Variants in LRFN5 observed in about 807,000 individuals in gnomAD.
LRFN5 encodes the protein leucine rich repeat and fibronectin type III domain containing 5, also known as leucine-rich repeat and fibronectin type-III domain-containing protein 5.
LRFN5 carries 24 observed loss-of-function variants against 45.6 expected under a neutral mutation model. That is an observed-to-expected ratio of 0.53 (90% CI 0.38 to 0.74). LRFN5 has a LOEUF of 0.74. Ranked by LOEUF, LRFN5 falls within the 30% of genes least tolerant of loss-of-function variation. The pLI is 0.00. For missense variants in LRFN5, 776 were observed against 861.5 expected, an observed-to-expected ratio of 0.90 and a Z score of 1.24; for synonymous variants, 340 against 313.8, an observed-to-expected ratio of 1.08 and a Z score of -0.88.
intron 1 of LRFN5, among the ~76,000 whole-genome samples, chr14:41,610,282 T>C (rs1427953571): frequency 6.6e-6 from 1 of 152,128 alleles, no homozygotes; most frequent in Non-Finnish European, 1.5e-5. Context: ...CGACAATGAA[T>C]ATTGAAGAAT....
At chr14:41,888,338 C>G (rs1195543870) in intron 3 of LRFN5, among the ~76,000 whole-genome samples, 1 of 152,098 alleles carries the variant, frequency 6.6e-6, no homozygotes, top group Non-Finnish European at 1.5e-5. Flanking sequence ...AGTGTTCTTT[C>G]CTTCAAGGAA....
chr14:41,624,470 C>G (rs1210092514), intron 1 of LRFN5, among the ~76,000 whole-genome samples: 1 of 151,996 alleles, frequency 6.6e-6, no homozygotes, highest in Non-Finnish European at 1.5e-5. Context: ...GCGAAAGTAG[C>G]ATATAGCAAA....
intron 2 of LRFN5, among the ~76,000 whole-genome samples, chr14:41,831,652 T>A (rs1439481892): frequency 6.6e-6 from 1 of 152,200 alleles, no homozygotes; most frequent in Non-Finnish European, 1.5e-5. Context: ...TAAACAAATA[T>A]TAATATATTA....
chr14:41,816,339 G>C (rs1236618634), intron 2 of LRFN5, among the ~76,000 whole-genome samples: 1 of 151,970 alleles, frequency 6.6e-6, no homozygotes, highest in Non-Finnish European at 1.5e-5. Flanking sequence ...TTAAGAACAA[G>C]AAAAATTAAA....
intron 2 of LRFN5, among the ~76,000 whole-genome samples, chr14:41,799,007 C>CT (rs1235200879): frequency 3.3e-5 from 5 of 151,990 alleles, no homozygotes; most frequent in Non-Finnish European, 5.9e-5. Flanking sequence ...TTGTATTACT[C>CT]TTTTTTTCTG....
chr14:41,678,242 GCATACATA>G (rs547036818), intron 1 of LRFN5, among the ~76,000 whole-genome samples: 4 of 151,174 alleles, frequency 2.6e-5, no homozygotes, highest in Non-Finnish European at 5.9e-5. Context: ...GAAGATACAT[GCATACATA>G]CATACATACA....
At chr14:41,799,289 GT>G (rs1887242124) in intron 2 of LRFN5, among the ~76,000 whole-genome samples, 1 of 151,898 alleles carries the variant, frequency 6.6e-6, no homozygotes, top group Non-Finnish European at 1.5e-5. Flanking sequence ...CATAATTGTT[GT>G]TTTTTAGGAA....
chr14:41,767,941 A>G (rs1383233809), intron 2 of LRFN5, among the ~76,000 whole-genome samples: 1 of 151,932 alleles, frequency 6.6e-6, no homozygotes, highest in Non-Finnish European at 1.5e-5. Context: ...TAAATACTTG[A>G]TGTAAGCATT....
At chr14:41,734,524 C>G (rs546198886) in intron 1 of LRFN5, among the ~76,000 whole-genome samples, 54 of 150,334 alleles carry the variant, frequency 3.6e-4, no homozygotes, top group Non-Finnish European at 2.8e-4. Flanking sequence ...TTTTTCCATT[C>G]TATTGTTTTC....
At chr14:41,748,905 T>C (rs1885022727) in intron 1 of LRFN5, among the ~76,000 whole-genome samples, 1 of 151,472 alleles carries the variant, frequency 6.6e-6, no homozygotes, top group Non-Finnish European at 1.5e-5. Flanking sequence ...ATATTTTATA[T>C]ATATATATAT....
Position 41,806,154 on chromosome 14 carries a change from G to A in LRFN5, c.-21+39125G>A, listed in dbSNP as rs17112278. Among the ~76,000 whole-genome samples, 88 of 152,276 alleles carry A rather than the reference G, an allele frequency of 5.8e-4. No homozygotes were observed. The East Asian group carries it at 0.014, about 23-fold the overall frequency. ...CTTTGACTGAGGGTCAGGATTAGAC[G>A]TTCAGGAGTCTGAGAAATAAGCCTA... On this transcript the variant is annotated intron_variant, in intron 2 of 5. Coordinates refer to ENST00000298119, the MANE Select transcript of LRFN5 (RefSeq NM_152447.5).
intron 2 of LRFN5, among the ~76,000 whole-genome samples, chr14:41,773,959 A>T (rs777199406): frequency 5.3e-5 from 8 of 152,212 alleles, no homozygotes; most frequent in African/African-American, 1.2e-4. Context: ...GCAGTACTTG[A>T]TATAGAGGAG....
rs1485375467 is a variant in LRFN5 at position 41,802,548 on chromosome 14, T to C, written c.-21+35519T>C. ...TGGAGTCCTAGTTGAGAAAAGAGTT[T>C]AGAGGAGTTGGAAAAATGTTTTGTC... is the stretch of plus-strand genomic sequence containing the variant. On this transcript the variant is annotated intron_variant, in intron 2 of 5. Transcript: ENST00000298119. Among the ~76,000 whole-genome samples, 5 of 152,254 alleles carry C rather than the reference T, an allele frequency of 3.3e-5. No homozygotes were observed. The East Asian group carries it at 9.7e-4, about 29-fold the overall frequency.
intron 1 of LRFN5, among the ~76,000 whole-genome samples, chr14:41,644,449 A>T (rs1879718910): frequency 6.6e-6 from 1 of 152,212 alleles, no homozygotes; most frequent in Admixed American, 6.5e-5. Context: ...TGCTGTTTAA[A>T]GTTTTGATAG....
chr14:41,617,091 G>C (rs1196566349), intron 1 of LRFN5, among the ~76,000 whole-genome samples: 2 of 152,192 alleles, frequency 1.3e-5, no homozygotes, highest in Non-Finnish European at 2.9e-5. Context: ...AAAGTCTAAG[G>C]CTTCATCCTC....
At chr14:41,800,371 A>G (rs960605333) in intron 2 of LRFN5, among the ~76,000 whole-genome samples, 5 of 152,004 alleles carry the variant, frequency 3.3e-5, no homozygotes, top group African/African-American at 1.2e-4. Context: ...TCTGGACTCT[A>G]CTTCCTCAAG....
chr14:41,862,939 A>G (rs1052242933), intron 2 of LRFN5, among the ~76,000 whole-genome samples: 2 of 140,330 alleles, frequency 1.4e-5, no homozygotes, highest in East Asian at 4.2e-4. Flanking sequence ...ATCTCAGCTC[A>G]CTGCAAGCTC....
At chr14:41,777,704 G>A (rs530711380) in intron 2 of LRFN5, among the ~76,000 whole-genome samples, 5 of 151,410 alleles carry the variant, frequency 3.3e-5, no homozygotes, top group Non-Finnish European at 7.4e-5. Flanking sequence ...GTTTTCCTTC[G>A]CTTTTTGTAT....
rs1341993507 is a variant in LRFN5, at chr14:41,887,780, C to T, written c.1155C>T (p.Asn385=). The T allele has an allele frequency of 1.2e-6, 2 of 1,613,986 alleles. No homozygotes were observed. The highest frequency in any genetic ancestry group is 1.7e-6 in the Non-Finnish European group (2 of 1,180,020). Reference sequence around the variant, plus strand: ...TCCCTCACTTACTAAATAGTACAAACCATATCCATGAGCCTGATCCTGGTT... The same window carrying T: ...TCCCTCACTTACTAAATAGTACAAATCATATCCATGAGCCTGATCCTGGTT... ...IKLPHLLNST[N]HIHEPDPGSS... Residue 385 remains asparagine, a synonymous_variant, in exon 3 of 6, where the codon AAC becomes AAT. Coordinates refer to ENST00000298119, the MANE Select transcript of LRFN5 (RefSeq NM_152447.5). The surrounding 1 kb of genome is among the most constrained non-coding windows in gnomAD (Gnocchi z 4.8).
Sources: gnomAD v4.1 joint callset for allele counts (sites outside exome capture counted in the v4.1 genomes callset) on GRCh38, gnomAD v4.1.1 for gene constraint, Gnocchi (gnomAD v3.1) non-coding constraint, MANE v1.5 for transcripts, NCBI Gene and HGNC (gene_info 2026-07-23, HGNC 2026-07-21) for gene names.